The following SKP1 variants were observed in gnomAD, a reference collection of about 807,000 sequenced individuals.
SKP1 encodes S-phase kinase-associated protein 1.
In SKP1, 1 loss-of-function variant was observed where a neutral mutation model predicts 21.5. The observed-to-expected ratio is 0.05, with a 90% confidence interval of 0.02 to 0.22. SKP1 has a LOEUF of 0.22. SKP1 is among the 10% of genes least tolerant of loss of function. SKP1 has a pLI of 1.00. For synonymous variants in SKP1, 59 were observed against 59.3 expected, an observed-to-expected ratio of 0.99 and a Z score of 0.03; for missense variants, 70 against 192.0, an observed-to-expected ratio of 0.36 and a Z score of 3.76.
intron 3 of SKP1, among the ~76,000 whole-genome samples, chr5:134,163,279 TAAAAG>T (rs1761255992): frequency 1.4e-5 from 2 of 142,706 alleles, no homozygotes; most frequent in South Asian, 4.4e-4. Context: ...AAAAAACTCT[TAAAAG>T]GATATATAAA....
At chr5:134,169,010 T>C (rs933347587) in intron 2 of SKP1, among the ~76,000 whole-genome samples, 2 of 152,020 alleles carry the variant, frequency 1.3e-5, no homozygotes, top group African/African-American at 4.8e-5. Flanking sequence ...TGTAGAGATA[T>C]AGCGAAGAGG....
At chr5:134,158,204 G>C (rs1055281754) in intron 5 of SKP1, 2 of 1,411,532 alleles carry the variant, frequency 1.4e-6, no homozygotes, top group Admixed American at 5.8e-5. Context: ...GCCAAAACTA[G>C]TAACTGTTAA....
Position 134,176,881 on chromosome 5 carries a change from G to C in SKP1, c.-27C>G, listed in dbSNP as rs1308850231. 2 of 152,960 alleles carry C rather than the reference G, an allele frequency of 1.3e-5. No homozygotes were observed. Among genetic ancestry groups the C allele is most frequent in the African/African-American group, 2.4e-5 (1 of 41,496 alleles). The allele number at this position is 152,960 out of a possible 1,614,324, so 9.5% of individuals were successfully genotyped here. On this transcript the variant is annotated 5_prime_UTR_variant, in exon 1 of 6. Coordinates refer to ENST00000353411, the MANE Select transcript of SKP1 (RefSeq NM_170679.3). ...GTGTTCGGTGTTAAGGAGACGGCCGGCGGGAGGCTGACGAGAGCCGGGAGG... is the reference window on the plus strand; with the variant it reads ...GTGTTCGGTGTTAAGGAGACGGCCGCCGGGAGGCTGACGAGAGCCGGGAGG...
intron 5 of SKP1, 143 bp from the exon 6 acceptor site, chr5:134,157,911 A>G (rs764718740): frequency 2.6e-6 from 4 of 1,563,418 alleles, no homozygotes; most frequent in Non-Finnish European, 3.5e-6. Context: ...GGTTAAGACT[A>G]TATTTCCGGA....
At chr5:134,159,943 A>G (rs1403317337) in intron 4 of SKP1, among the ~76,000 whole-genome samples, 3 of 151,770 alleles carry the variant, frequency 2.0e-5, no homozygotes, top group Admixed American at 6.6e-5. Flanking sequence ...TCACCCTCCC[A>G]AAGTGTTGGG....
In SKP1 at chr5:134,151,818, A is replaced by G; in HGVS notation, c.*5915T>C. The G allele has an allele frequency of 2.7e-6, 1 of 367,442 alleles. No homozygotes were observed. Among genetic ancestry groups the G allele is most frequent in the East Asian group, 7.6e-5 (1 of 13,130 alleles). 22.8% of individuals were successfully genotyped at this position (367,442 alleles called of 1,614,324 possible). On this transcript the variant is annotated 3_prime_UTR_variant, in exon 6 of 6. Transcript: ENST00000353411. ...AAGACTGCAAGGCAACAAGTACATT[A>G]TCAATGAATTAGCCATCTATCACTC...
chr5:134,173,681 C>T (rs1057034253), intron 2 of SKP1: 9 of 575,042 alleles, frequency 1.6e-5, no homozygotes, highest in Non-Finnish European at 2.6e-5. Flanking sequence ...GCTTGGCAAT[C>T]ACTTCAATGT....
Position 134,173,985 on chromosome 5 carries a change from A to C in SKP1, c.38T>G (p.Ile13Arg). Residue 13 changes from isoleucine to arginine, a missense_variant, in exon 2 of 6, where the codon ATA becomes AGA. Ile to Arg is a moderately conservative substitution (Grantham distance 97). This residue lies in a region of SKP1 where 21 missense variants were observed against 23.4 expected (regional missense o/e 0.90). Coordinates refer to ENST00000353411, the MANE Select transcript of SKP1 (RefSeq NM_170679.3). ...SIKLQSSDGE[I>R]FEVDVEIAKQ... ...GGCAATTTCCACATCAACTTCAAAT[A>C]TCTCTCCATCAGAACTCTGCAACTT... is the stretch of plus-strand genomic sequence containing the variant. 1.9e-6 allele frequency: 3 copies of C among 1,610,580 alleles called. No homozygotes were observed. Among genetic ancestry groups the C allele is most frequent in the African/African-American group, 1.3e-5 (1 of 74,956 alleles).
intron 4 of SKP1, among the ~76,000 whole-genome samples, chr5:134,159,389 CT>C (rs79150294): frequency 6.6e-6 from 1 of 151,142 alleles, no homozygotes; most frequent in Non-Finnish European, 1.5e-5. Context: ...ACAATGGAGA[CT>C]TTTTTTTTAA....
At chr5:134,161,173 A>G in intron 3 of SKP1, 43 bp from the exon 4 acceptor site, 1 of 1,544,072 alleles carries the variant, frequency 6.5e-7, no homozygotes, top group Non-Finnish European at 8.8e-7. Flanking sequence ...CTTTGTCACA[A>G]GGTACTCATT....
chr5:134,174,386 C>T (rs1246548469), intron 1 of SKP1: 1 of 498,948 alleles, frequency 2.0e-6, no homozygotes, highest in Non-Finnish European at 2.7e-6. Flanking sequence ...TAACTACATG[C>T]GAACCTGAGG....
rs764457458 is a variant in SKP1, at chr5:134,167,121, T to A, written c.171+49A>T. The stretch of plus-strand genomic sequence containing the variant: ...TGTTGAATTACTTGTATTAATCAAT[T>A]GGTGTTATATATTAAGCAGAATAAA... On this transcript the variant is annotated intron_variant, in intron 3 of 5. Coordinates refer to ENST00000353411, the MANE Select transcript of SKP1 (RefSeq NM_170679.3). 5.3e-5 allele frequency: 46 copies of A among 862,024 alleles called. No homozygotes were observed. The South Asian group carries it at 6.9e-4, about 13-fold the overall frequency. The allele number at this position is 862,024 out of a possible 1,614,324, so 53.4% of individuals were successfully genotyped here. A position where few individuals can be genotyped will look rare whatever the true frequency, so the allele number is the denominator to read the frequency against.
chr5:134,154,896 T>G lies in SKP1; in HGVS notation c.*2837A>C, dbSNP rs1301910276. On this transcript the variant is annotated 3_prime_UTR_variant, in exon 6 of 6. Coordinates refer to ENST00000353411, the MANE Select transcript of SKP1 (RefSeq NM_170679.3). ...TCCAAACCAAGGCTATTATCAGCTATTATCAAGCTCTCCCCTCTCATGCAT... is the reference window on the plus strand; with the variant it reads ...TCCAAACCAAGGCTATTATCAGCTAGTATCAAGCTCTCCCCTCTCATGCAT... The G allele has an allele frequency of 1.3e-5, 2 of 152,244 alleles. No individual in the cohort carries two copies. Among genetic ancestry groups the G allele is most frequent in the African/African-American group, 4.8e-5 (2 of 41,460 alleles). 9.4% of individuals were successfully genotyped at this position (152,244 alleles called of 1,614,324 possible).
intron 1 of SKP1, chr5:134,175,171 A>G (rs1761515553): frequency 6.6e-6 from 1 of 152,258 alleles, no homozygotes; most frequent in African/African-American, 2.4e-5. Context: ...CGGTTAAAAT[A>G]TTCATTCAGC....
rs145425509 is a variant in SKP1, at chr5:134,158,754, T to C, written c.316-159A>G. On this transcript the variant is annotated intron_variant, in intron 4 of 5. Coordinates refer to ENST00000353411, the MANE Select transcript of SKP1 (RefSeq NM_170679.3). ...ACTCCTAAGTTCTTCTGTGAAAGAC[T>C]TTTATGTGACCTTCTTTGTTATACC... 18 of 658,718 alleles carry C rather than the reference T, an allele frequency of 2.7e-5. No individual in the cohort carries two copies. In the African/African-American group the frequency reaches 2.9e-4, roughly 11 times the overall value. 40.8% of individuals were successfully genotyped at this position (658,718 alleles called of 1,614,324 possible).
chr5:134,168,293 G>A (rs564601181), intron 2 of SKP1, among the ~76,000 whole-genome samples: 2 of 152,170 alleles, frequency 1.3e-5, no homozygotes, highest in East Asian at 1.9e-4. Context: ...AACTATTACA[G>A]GTAATAAAAT....
At chr5:134,167,609 G>T (rs1356593981) in intron 2 of SKP1, among the ~76,000 whole-genome samples, 1 of 151,272 alleles carries the variant, frequency 6.6e-6, no homozygotes, top group East Asian at 2.0e-4. Context: ...TGCAAGCTCC[G>T]CCTCCCGGGT....
intron 2 of SKP1, 132 bp from the exon 3 acceptor site, chr5:134,167,375 A>T: frequency 3.1e-6 from 2 of 640,438 alleles, no homozygotes; most frequent in Non-Finnish European, 5.6e-6. Context: ...AACCAACCAC[A>T]GATTAAACAT....
chr5:134,154,542 CA>C lies in SKP1; in HGVS notation c.*3190del. On this transcript the variant is annotated 3_prime_UTR_variant, in exon 6 of 6. Coordinates refer to ENST00000353411, the MANE Select transcript of SKP1 (RefSeq NM_170679.3). Reference sequence around the variant, plus strand: ...AAGGAGAAAATAATAAGCTAACATTCAGGAAGGTTTTGGTTTACTTTTAGAT... The same window carrying C: ...AAGGAGAAAATAATAAGCTAACATTCGGAAGGTTTTGGTTTACTTTTAGAT... 1 of 151,032 alleles carries C rather than the reference CA, an allele frequency of 6.6e-6. No individual in the cohort carries two copies. The highest frequency in any genetic ancestry group is 2.4e-5 in the African/African-American group (1 of 41,168). 9.4% of individuals were successfully genotyped at this position (151,032 alleles called of 1,614,324 possible).
Sources: gnomAD v4.1 joint callset for allele counts (sites outside exome capture counted in the v4.1 genomes callset) on GRCh38, gnomAD v4.1.1 for gene constraint, gnomAD v4.1.1 regional missense constraint, MANE v1.5 for transcripts, NCBI Gene and HGNC (gene_info 2026-07-23, HGNC 2026-07-21) for gene names.